The following PBX1 variants were observed in gnomAD, a reference collection of about 807,000 sequenced individuals.
PBX1 encodes the protein pre-B-cell leukemia transcription factor 1.
PBX1 carries 6 observed loss-of-function variants against 53.4 expected under a neutral mutation model. The ratio of observed to expected loss-of-function variants is 0.11; its 90% CI spans 0.06 to 0.22. The LOEUF (loss-of-function observed/expected upper bound fraction) is 0.22, where lower values mean the gene tolerates loss of function less well. PBX1 is among the 10% of genes least tolerant of loss of function. PBX1 has a pLI of 1.00. For synonymous variants in PBX1, 204 were observed against 212.3 expected (o/e 0.96, Z 0.34); for missense variants, 251 against 551.4 (o/e 0.46, Z 5.46).
chr1:164,773,243 G>GCGCACACACACACACACACA (rs113836981), intron 2 of PBX1, among the ~76,000 whole-genome samples: 13 of 147,680 alleles, frequency 8.8e-5, no homozygotes, highest in African/African-American at 3.3e-4. Context: ...GGTAACACGC[G>GCGCACACACACACACACACA]CACACACACA....
intron 2 of PBX1, among the ~76,000 whole-genome samples, chr1:164,623,704 A>G (rs975751642): frequency 2.0e-5 from 3 of 151,496 alleles, no homozygotes; most frequent in Non-Finnish European, 2.9e-5. Context: ...GATATTCCCC[A>G]CTTCTCTGTG....
At chr1:164,651,706 A>G (rs1571150839) in intron 2 of PBX1, among the ~76,000 whole-genome samples, 2 of 152,214 alleles carry the variant, frequency 1.3e-5, no homozygotes, top group Middle Eastern at 3.4e-3. Context: ...CAAATGGGTG[A>G]CTTTCCTCCT....
At position 164,847,894 on chromosome 1, in the gene PBX1, G is replaced by A. The variant is rs1316082136; in HGVS notation, c.*1218G>A. On this transcript the variant is annotated 3_prime_UTR_variant, in exon 9 of 9. Transcript: ENST00000420696. ...CAGGTTTCCAGTGTAAACTACTCTT[G>A]TTCCCACCACCTCTGGAGCACTCAG... 8 of 1,054,790 alleles carry A rather than the reference G, an allele frequency of 7.6e-6. No individual in the cohort carries two copies. The highest frequency in any genetic ancestry group is 9.2e-6 in the Non-Finnish European group (8 of 872,682). The allele number at this position is 1,054,790 out of a possible 1,614,324, so 65.3% of individuals were successfully genotyped here. A position where few individuals can be genotyped will look rare whatever the true frequency, so the allele number is the denominator to read the frequency against.
intron 2 of PBX1, among the ~76,000 whole-genome samples, chr1:164,880,031 C>T (rs1333951098): frequency 6.6e-6 from 1 of 152,170 alleles, no homozygotes; most frequent in African/African-American, 2.4e-5. Flanking sequence ...ACCGTTGTGC[C>T]TCTCTGGCAG....
rs150606545 is a variant in PBX1 at position 164,689,286 on chromosome 1, G to A, written c.266-103208G>A. Among the ~76,000 whole-genome samples the A allele has an allele frequency of 4.9e-4, 75 of 152,254 alleles. 1 individual carries two copies. The highest frequency in any genetic ancestry group is 1.7e-3 in the African/African-American group (69 of 41,550). ...AATTCTTGGCAAATAGTTAACTGAA[G>A]TGGAAGGTTTTTTTTTCTTTTTCTT... On this transcript the variant is annotated intron_variant, in intron 2 of 8. Coordinates refer to ENST00000420696, the MANE Select transcript of PBX1 (RefSeq NM_002585.4).
chr1:164,765,994 A>G (rs1667043006), intron 2 of PBX1, among the ~76,000 whole-genome samples: 2 of 152,176 alleles, frequency 1.3e-5, no homozygotes, highest in African/African-American at 2.4e-5. Context: ...CCGTTGGGGG[A>G]AAAAAGAAGG....
intron 2 of PBX1, among the ~76,000 whole-genome samples, chr1:164,650,819 A>T (rs1659760674): frequency 6.7e-6 from 1 of 148,492 alleles, no homozygotes; most frequent in African/African-American, 2.5e-5. Context: ...CACCTCCAAG[A>T]AAAAAAAAAG....
chr1:164,748,842 G>A (rs1460592245), intron 2 of PBX1, among the ~76,000 whole-genome samples: 1 of 152,124 alleles, frequency 6.6e-6, no homozygotes, highest in Non-Finnish European at 1.5e-5. Flanking sequence ...ACTAGGATGG[G>A]GTGAGCACTG....
chr1:164,867,492 C>T (rs933002409), intron 2 of PBX1, among the ~76,000 whole-genome samples: 2 of 152,198 alleles, frequency 1.3e-5, no homozygotes, highest in East Asian at 1.9e-4. Context: ...AATTCATGCA[C>T]AGGTGCCCAA....
intron 2 of PBX1, among the ~76,000 whole-genome samples, chr1:164,729,449 T>C (rs1664869915): frequency 6.6e-6 from 1 of 152,214 alleles, no homozygotes; most frequent in East Asian, 1.9e-4. Context: ...ACTTTTAATA[T>C]GGATATCAAG....
intron 8 of PBX1, among the ~76,000 whole-genome samples, chr1:164,830,286 T>A (rs1670689445): frequency 6.6e-6 from 1 of 152,194 alleles, no homozygotes; most frequent in South Asian, 2.1e-4. Flanking sequence ...TAAAATCACA[T>A]GTAAATTGCA....
chr1:164,780,564 A>G (rs1310584672), intron 2 of PBX1, among the ~76,000 whole-genome samples: 1 of 152,112 alleles, frequency 6.6e-6, no homozygotes. Context: ...GCACCAGGGA[A>G]GACGTCTGGG....
Position 164,697,929 on chromosome 1 carries a change from C to G in PBX1, c.266-94565C>G, listed in dbSNP as rs1662883058. Among the ~76,000 whole-genome samples, 3 of 152,180 alleles carry G rather than the reference C, an allele frequency of 2.0e-5. No homozygotes were observed. The South Asian group carries it at 6.2e-4, about 32-fold the overall frequency. On this transcript the variant is annotated intron_variant, in intron 2 of 8. Transcript: ENST00000420696. Reference sequence around the variant, plus strand: ...CGTATCAGGAACCAGTTCCTCCTTGCCTCCAGGTATCAGACATGCTAGATC... The same window carrying G: ...CGTATCAGGAACCAGTTCCTCCTTGGCTCCAGGTATCAGACATGCTAGATC...
chr1:164,872,474 G>A (rs747232292), intron 2 of PBX1, among the ~76,000 whole-genome samples: 59 of 152,144 alleles, frequency 3.9e-4, no homozygotes, highest in Non-Finnish European at 7.1e-4. Flanking sequence ...TGCCTCTGCT[G>A]TTTTTTGCTC....
chr1:164,847,087 A>G lies in PBX1; in HGVS notation c.*411A>G, dbSNP rs898033993. On this transcript the variant is annotated 3_prime_UTR_variant, in exon 9 of 9. Coordinates refer to ENST00000420696, the MANE Select transcript of PBX1 (RefSeq NM_002585.4). ...TGTACGTTTTCATGCTGGTGGTTTGAGGAGCCAAATTTACCTCACTCGAAT... is the reference window on the plus strand; with the variant it reads ...TGTACGTTTTCATGCTGGTGGTTTGGGGAGCCAAATTTACCTCACTCGAAT... 7 of 1,096,084 alleles carry G rather than the reference A, an allele frequency of 6.4e-6. No individual in the cohort carries two copies. In the African/African-American group the frequency reaches 8.0e-5, roughly 12 times the overall value. The allele number at this position is 1,096,084 out of a possible 1,614,324, so 67.9% of individuals were successfully genotyped here.
At chr1:164,812,466 A>G (rs992653431) in intron 6 of PBX1, among the ~76,000 whole-genome samples, 5 of 152,218 alleles carry the variant, frequency 3.3e-5, no homozygotes, top group African/African-American at 9.6e-5. Context: ...TAAGTTAGAC[A>G]TAGTGCTTAG....
chr1:164,674,074 G>A (rs536200326), intron 2 of PBX1, among the ~76,000 whole-genome samples: 1 of 152,306 alleles, frequency 6.6e-6, no homozygotes, highest in East Asian at 1.9e-4. Flanking sequence ...CCAGTTCCCC[G>A]TCCAGCTGGC....
At position 164,838,314 on chromosome 1, in the gene PBX1, C is replaced by T. The variant is rs144824672; in HGVS notation, c.1201-8270C>T. On this transcript the variant is annotated intron_variant, in intron 8 of 8. Coordinates refer to ENST00000420696, the MANE Select transcript of PBX1 (RefSeq NM_002585.4). ...GCCATATTCACTGGCAAGGTGGTGC[C>T]GCCCATGGTCAAGCCTCAGAAGCAT... Among the ~76,000 whole-genome samples, 853 of 152,250 alleles carry T rather than the reference C, an allele frequency of 5.6e-3. 8 individuals are homozygous for T. The highest frequency in any genetic ancestry group is 0.019 in the African/African-American group (780 of 41,564).
chr1:164,676,422 C>T (rs187468521), intron 2 of PBX1, among the ~76,000 whole-genome samples: 33 of 152,168 alleles, frequency 2.2e-4, no homozygotes, highest in Non-Finnish European at 4.3e-4. Flanking sequence ...AGGGCCAAAG[C>T]GTCAAACCAA....
Sources: gnomAD v4.1 joint callset for allele counts (sites outside exome capture counted in the v4.1 genomes callset) on GRCh38, gnomAD v4.1.1 for gene constraint, MANE v1.5 for transcripts, NCBI Gene and HGNC (gene_info 2026-07-23, HGNC 2026-07-21) for gene names.